Variants in CCDC149 observed in about 807,000 individuals in gnomAD.
CCDC149 encodes the protein coiled-coil domain-containing protein 149.
In CCDC149, 45 loss-of-function variants were observed where a neutral mutation model predicts 59.9. That is an observed-to-expected ratio of 0.75 (90% CI 0.59 to 0.96). The LOEUF is 0.96. Among genes scored for constraint, CCDC149 ranks in the 40% least tolerant of loss-of-function variants. The pLI is 0.00. For synonymous variants in CCDC149, 245 were observed against 260.6 expected (o/e 0.94, Z 0.58); for missense variants, 584 against 664.7 (o/e 0.88, Z 1.33).
chr4:24,854,918 G>A (rs757077722), intron 3 of CCDC149, among the ~76,000 whole-genome samples: 1 of 152,100 alleles, frequency 6.6e-6, no homozygotes, highest in East Asian at 1.9e-4. Flanking sequence ...AAAGGTCACC[G>A]TCTCAACAGG....
chr4:24,872,962 T>C (rs1174541572), intron 3 of CCDC149, among the ~76,000 whole-genome samples: 4 of 78,046 alleles, frequency 5.1e-5, no homozygotes, highest in Non-Finnish European at 1.2e-4. Flanking sequence ...ACCCACTGAA[T>C]GGTATGCACC....
intron 5 of CCDC149, 54 bp downstream of exon 5, chr4:24,838,101 GT>G: frequency 7.5e-7 from 1 of 1,338,060 alleles, no homozygotes; most frequent in South Asian, 1.2e-5. Flanking sequence ...TCTTGTTTGT[GT>G]TGTGTCCAGC....
intron 4 of CCDC149, 72 bp downstream of exon 4, chr4:24,853,000 C>T (rs1037878694): frequency 1.2e-4 from 108 of 901,518 alleles, no homozygotes; most frequent in Non-Finnish European, 1.7e-4. Flanking sequence ...TACATTTTTC[C>T]GATGTGCAAT....
At chr4:24,838,624 T>G (rs1716706144) in intron 4 of CCDC149, among the ~76,000 whole-genome samples, 1 of 152,004 alleles carries the variant, frequency 6.6e-6, no homozygotes, top group South Asian at 2.1e-4. Flanking sequence ...TCTCCCACAC[T>G]CGTAACAATG....
chr4:24,891,917 T>C (rs1159741573), intron 1 of CCDC149, among the ~76,000 whole-genome samples: 1 of 152,026 alleles, frequency 6.6e-6, no homozygotes, highest in Non-Finnish European at 1.5e-5. Flanking sequence ...GAGGATCCCT[T>C]GAGCCCAGGA....
chr4:24,924,594 T>G (rs1722384353), intron 1 of CCDC149, among the ~76,000 whole-genome samples: 1 of 152,210 alleles, frequency 6.6e-6, no homozygotes, highest in Non-Finnish European at 1.5e-5. Flanking sequence ...CTAAAATGCC[T>G]TACATGTGGT....
intron 1 of CCDC149, among the ~76,000 whole-genome samples, chr4:24,938,516 C>T (rs535054896): frequency 2.6e-5 from 4 of 152,302 alleles, no homozygotes; most frequent in South Asian, 2.1e-4. Flanking sequence ...ACTGAGGTAC[C>T]GGGTTCATCT....
intron 9 of CCDC149, among the ~76,000 whole-genome samples, chr4:24,824,724 G>C (rs371149702): frequency 6.6e-6 from 1 of 152,228 alleles, no homozygotes; most frequent in Non-Finnish European, 1.5e-5. Context: ...CAAAACCATA[G>C]GCAAGACTCA....
intron 1 of CCDC149, among the ~76,000 whole-genome samples, chr4:24,941,951 G>T (rs1274313541): frequency 6.6e-6 from 1 of 152,094 alleles, no homozygotes; most frequent in African/African-American, 2.4e-5. Context: ...ATTCACAGCC[G>T]AATTCTACCA....
intron 1 of CCDC149, among the ~76,000 whole-genome samples, chr4:24,903,530 T>A (rs774334511): frequency 6.6e-6 from 1 of 152,236 alleles, no homozygotes; most frequent in Non-Finnish European, 1.5e-5. Flanking sequence ...TCTGTAGCAA[T>A]AGCTAACTGT....
chr4:24,870,221 T>C (rs939166793), intron 3 of CCDC149, among the ~76,000 whole-genome samples: 4 of 152,198 alleles, frequency 2.6e-5, no homozygotes, highest in South Asian at 2.1e-4. Flanking sequence ...TAAAAAACAA[T>C]ACAATTTTCT....
chr4:24,874,247 TTTTTTTTTTTTTG>T, intron 2 of CCDC149, among the ~76,000 whole-genome samples: 1 of 81,726 alleles, frequency 1.2e-5, no homozygotes, highest in East Asian at 4.2e-4. Flanking sequence ...TAGATTTGTT[TTTTTTTTTTTTTG>T]TTTTGTTTTT....
At chr4:24,935,382 C>G (rs542561186) in intron 1 of CCDC149, among the ~76,000 whole-genome samples, 2 of 152,032 alleles carry the variant, frequency 1.3e-5, no homozygotes, top group Non-Finnish European at 2.9e-5. Flanking sequence ...TTCAAGGGGA[C>G]TATTAGAAAT....
rs111309624 is a variant in CCDC149 at position 24,863,064 on chromosome 4, G to A, written c.265-9885C>T. ...TCCCAGCACTTTGGGGGGCTGAGGC[G>A]GGAGGATCACCTGAGGTCAGGAGTT... On this transcript the variant is annotated intron_variant, in intron 3 of 12. Coordinates refer to ENST00000635206, the MANE Select transcript of CCDC149 (RefSeq NM_001330643.2). Among the ~76,000 whole-genome samples, 506 of 152,232 alleles carry A rather than the reference G, an allele frequency of 3.3e-3. 4 individuals are homozygous for A. The highest frequency in any genetic ancestry group is 0.011 in the African/African-American group (458 of 41,528).
chr4:24,866,823 C>CCCA (rs10635009), intron 3 of CCDC149, among the ~76,000 whole-genome samples: 7 of 142,178 alleles, frequency 4.9e-5, no homozygotes, highest in Non-Finnish European at 7.6e-5. Context: ...ACACACACAC[C>CCCA]CACACACACA....
chr4:24,931,310 A>AATATATATAT lies in CCDC149; in HGVS notation c.-64-36202_-64-36193dup, dbSNP rs71187200. 8.2e-3 allele frequency among the ~76,000 whole-genome samples: 1,131 copies of AATATATATAT among 138,198 alleles called. 26 individuals carry two copies. The highest frequency in any genetic ancestry group is 0.027 in the South Asian group (122 of 4,438). 90.7% of individuals were successfully genotyped at this position (138,198 alleles called of 152,430 possible). A position where few individuals can be genotyped will look rare whatever the true frequency, so the allele number is the denominator to read the frequency against. On this transcript the variant is annotated intron_variant, in intron 1 of 12. Transcript: ENST00000389609. ...ATTTATATATGTTTATTTATTTTAAAATATATATATATATATATATATCTC... is the reference window on the plus strand; with the variant it reads ...ATTTATATATGTTTATTTATTTTAAAATATATATATATATATATATATATATATATATCTC...
intron 1 of CCDC149, among the ~76,000 whole-genome samples, chr4:24,886,388 A>C (rs1183910817): frequency 2.0e-5 from 3 of 152,242 alleles, no homozygotes; most frequent in African/African-American, 7.2e-5. Flanking sequence ...GGACTCTGTT[A>C]CATTTCAGTC....
chr4:24,899,580 T>C (rs1220233129), intron 1 of CCDC149, among the ~76,000 whole-genome samples: 1 of 152,132 alleles, frequency 6.6e-6, no homozygotes, highest in East Asian at 1.9e-4. Context: ...GCAGTGAAGC[T>C]GTGAACGGGA....
chr4:24,934,862 C>G (rs548776511), intron 1 of CCDC149, among the ~76,000 whole-genome samples: 1 of 152,104 alleles, frequency 6.6e-6, no homozygotes, highest in Non-Finnish European at 1.5e-5. Flanking sequence ...ACTGAGAATA[C>G]GATAAGTAAA....
Sources: gnomAD v4.1 joint callset for allele counts (sites outside exome capture counted in the v4.1 genomes callset) on GRCh38, gnomAD v4.1.1 for gene constraint, MANE v1.5 for transcripts, NCBI Gene and HGNC (gene_info 2026-07-23, HGNC 2026-07-21) for gene names.